Variants in LOC400499 observed in about 807,000 individuals in gnomAD.
At chr16:11,375,706 G>T in the LOC400499 span, among the ~76,000 whole-genome samples, 1 of 150,628 alleles carries the variant, frequency 6.6e-6, no homozygotes, top group Non-Finnish European at 1.5e-5. Context: ...CTTATTTGGA[G>T]AAATGTCTAT....
chr16:11,376,944 T>TTTG, the LOC400499 span, among the ~76,000 whole-genome samples: 1 of 151,226 alleles, frequency 6.6e-6, no homozygotes, highest in South Asian at 2.1e-4. Context: ...AAATGGACTT[T>TTTG]TTTTTTTTTT....
At chr16:11,432,546 T>G in the LOC400499 span, among the ~76,000 whole-genome samples, 1 of 152,202 alleles carries the variant, frequency 6.6e-6, no homozygotes. Context: ...TAAACGAACT[T>G]TGGAATATAA....
chr16:11,480,831 G>C, the LOC400499 span, among the ~76,000 whole-genome samples: 2 of 152,160 alleles, frequency 1.3e-5, no homozygotes, highest in Non-Finnish European at 2.9e-5. Context: ...CTATGAAAAG[G>C]AACAAATTAT....
At chr16:11,451,578 ACAAAAAAC>A in the LOC400499 span, among the ~76,000 whole-genome samples, 1 of 127,014 alleles carries the variant, frequency 7.9e-6, no homozygotes, top group African/African-American at 3.1e-5. Flanking sequence ...AAACAAACAA[ACAAAAAAC>A]CAAACAAAAA....
the LOC400499 span, among the ~76,000 whole-genome samples, chr16:11,416,223 T>G: frequency 6.6e-6 from 1 of 152,052 alleles, no homozygotes; most frequent in Non-Finnish European, 1.5e-5. Flanking sequence ...GTGCTAGGAT[T>G]ACATGCATGA....
At chr16:11,476,676 A>T in the LOC400499 span, 1 of 398,864 alleles carries the variant, frequency 2.5e-6, no homozygotes, top group East Asian at 3.6e-5. Flanking sequence ...ACACACTCAC[A>T]TGCATGCATG....
At chr16:11,495,799 G>A in the LOC400499 span, among the ~76,000 whole-genome samples, 6 of 152,210 alleles carry the variant, frequency 3.9e-5, no homozygotes, top group Admixed American at 6.5e-5. Context: ...TGAGACACAG[G>A]AAGCTGAGAC....
the LOC400499 span, chr16:11,446,648 A>T: frequency 6.5e-7 from 1 of 1,535,882 alleles, no homozygotes; most frequent in Non-Finnish European, 8.7e-7. Flanking sequence ...TGGGAGGGAC[A>T]ACCACATACA....
chr16:11,388,475 C>T, the LOC400499 span, among the ~76,000 whole-genome samples: 1 of 152,126 alleles, frequency 6.6e-6, no homozygotes, highest in Non-Finnish European at 1.5e-5. Flanking sequence ...TCCAGATGCT[C>T]TGTGAGGCCA....
At chr16:11,453,367 C>G in the LOC400499 span, among the ~76,000 whole-genome samples, 1 of 152,104 alleles carries the variant, frequency 6.6e-6, no homozygotes, top group Non-Finnish European at 1.5e-5. Context: ...CCGACTCAAG[C>G]ATAAGCACAT....
At chr16:11,479,994 T>C in the LOC400499 span, among the ~76,000 whole-genome samples, 1 of 152,146 alleles carries the variant, frequency 6.6e-6, no homozygotes, top group Non-Finnish European at 1.5e-5. Flanking sequence ...AACCCAGCTC[T>C]CCGGCTGCTC....
At chr16:11,493,242 C>T in the LOC400499 span, among the ~76,000 whole-genome samples, 1 of 152,210 alleles carries the variant, frequency 6.6e-6, no homozygotes, top group Non-Finnish European at 1.5e-5. Context: ...ACTCTGCAGG[C>T]CATGCGGTCT....
chr16:11,396,407 T>TGGC, the LOC400499 span: 18 of 1,108,740 alleles, frequency 1.6e-5, no homozygotes, highest in Non-Finnish European at 1.9e-5. Flanking sequence ...AGCCACTAGA[T>TGGC]GGCGGGGCCG....
At chr16:11,505,443 TTC>T in the LOC400499 span, among the ~76,000 whole-genome samples, 323 of 139,698 alleles carry the variant, frequency 2.3e-3, 7 homozygotes, top group African/African-American at 7.4e-3. Context: ...AATTTTTCTT[TTC>T]TTTTTTTTTT....
chr16:11,474,138 C>T, the LOC400499 span, among the ~76,000 whole-genome samples: 11 of 152,222 alleles, frequency 7.2e-5, no homozygotes, highest in African/African-American at 2.7e-4. Context: ...GGATTACAGG[C>T]GTGAGCTATC....
At chr16:11,512,041 C>A in the LOC400499 span, among the ~76,000 whole-genome samples, 1 of 152,182 alleles carries the variant, frequency 6.6e-6, no homozygotes, top group Non-Finnish European at 1.5e-5. Context: ...GTAATCCCAG[C>A]ACTTTGGGAG....
chr16:11,432,890 G>A, the LOC400499 span, among the ~76,000 whole-genome samples: 3 of 152,212 alleles, frequency 2.0e-5, no homozygotes, highest in Non-Finnish European at 2.9e-5. Flanking sequence ...AAATAACACA[G>A]AGGAACTCAT....
chr16:11,515,975 C>T, the LOC400499 span: 1,101 of 397,790 alleles, frequency 2.8e-3, 9 homozygotes, highest in African/African-American at 0.02. Context: ...GCGTCCCCTG[C>T]GCAGGGAGCA....
At chr16:11,391,751 G>A in the LOC400499 span, 12 of 1,232,190 alleles carry the variant, frequency 9.7e-6, no homozygotes, top group Non-Finnish European at 1.1e-5. Flanking sequence ...CCTGGCTCCG[G>A]GCCCACAAAG....
Sources: allele counts gnomAD v4.1 joint callset (sites outside exome capture counted in the v4.1 genomes callset), GRCh38; gene constraint gnomAD v4.1.1; transcripts MANE v1.5.